The following APOBEC3D variants were observed in gnomAD, a reference collection of about 807,000 sequenced individuals.
APOBEC3D encodes the protein apolipoprotein B mRNA editing enzyme catalytic subunit 3D.
APOBEC3D carries 37 observed loss-of-function variants against 45.6 expected under a neutral mutation model. That is an observed-to-expected ratio of 0.81 (90% confidence interval 0.62 to 1.07). The LOEUF (loss-of-function observed/expected upper bound fraction) is 1.07. Ranked by LOEUF, APOBEC3D falls within the 50% of genes least tolerant of loss-of-function variation. APOBEC3D has a pLI of 0.00. For missense variants in APOBEC3D, 496 were observed against 495.3 expected, an observed-to-expected ratio of 1.00 and a Z score of -0.01; for synonymous variants, 175 against 180.7, an observed-to-expected ratio of 0.97 and a Z score of 0.25.
chr22:39,029,279 C>A, intron 4 of APOBEC3D, 84 bp from the exon 5 acceptor site: 1 of 1,505,648 alleles, frequency 6.6e-7, no homozygotes, highest in South Asian at 1.2e-5. Context: ...GAGGCCCAGA[C>A]TCCAGGGACG....
At chr22:39,026,413 A>G (rs1372431325) in intron 4 of APOBEC3D, among the ~76,000 whole-genome samples, 1 of 152,224 alleles carries the variant, frequency 6.6e-6, no homozygotes, top group Non-Finnish European at 1.5e-5. Flanking sequence ...ACTTTAGTGT[A>G]CTTGTCTCCA....
At chr22:39,030,897 G>A (rs1268985247) in intron 5 of APOBEC3D, among the ~76,000 whole-genome samples, 1 of 152,190 alleles carries the variant, frequency 6.6e-6, no homozygotes, top group African/African-American at 2.4e-5. Context: ...CCTGTACGCA[G>A]TAGCTCACGC....
At chr22:39,027,983 A>G in intron 4 of APOBEC3D, among the ~76,000 whole-genome samples, 1 of 152,226 alleles carries the variant, frequency 6.6e-6, no homozygotes, top group Admixed American at 6.5e-5. Flanking sequence ...GAATTGAACC[A>G]AAGGATGATT....
rs1342560714 is a variant in APOBEC3D, at chr22:39,033,246, A to G, written c.*930A>G. On this transcript the variant is annotated 3_prime_UTR_variant, in exon 7 of 7. Transcript: ENST00000216099. The stretch of plus-strand genomic sequence containing the variant: ...TAAATCAATAAATACACTCAACCTA[A>G]ATGGATATGAATATATGTAAGTTGA... The G allele has an allele frequency of 1.0e-6, 1 of 977,714 alleles. No individual in the cohort carries two copies. The highest frequency in any genetic ancestry group is 1.8e-5 in the African/African-American group (1 of 57,056). 60.6% of individuals were successfully genotyped at this position (977,714 alleles called of 1,614,324 possible). A position where few individuals can be genotyped will look rare whatever the true frequency, so the allele number is the denominator to read the frequency against.
chr22:39,023,601 C>G (rs750217191), intron 2 of APOBEC3D, among the ~76,000 whole-genome samples: 5 of 151,742 alleles, frequency 3.3e-5, no homozygotes, highest in Non-Finnish European at 2.9e-5. Context: ...TGCACGCCAC[C>G]GTGCCCAGCT....
At chr22:39,024,801 A>G (rs1378971960) in intron 2 of APOBEC3D, among the ~76,000 whole-genome samples, 1 of 152,098 alleles carries the variant, frequency 6.6e-6, no homozygotes, top group African/African-American at 2.4e-5. Context: ...CCTTTGAATA[A>G]CCACAGCAGT....
intron 2 of APOBEC3D, among the ~76,000 whole-genome samples, chr22:39,023,916 C>G (rs1260963724): frequency 2.0e-5 from 3 of 152,112 alleles, no homozygotes; most frequent in African/African-American, 7.2e-5. Context: ...CTTGTCCCAC[C>G]CATCCCTACG....
intron 5 of APOBEC3D, among the ~76,000 whole-genome samples, chr22:39,030,567 A>G (rs1874248179): frequency 6.6e-6 from 1 of 152,152 alleles, no homozygotes; most frequent in Admixed American, 6.5e-5. Flanking sequence ...AAGTTTGTCT[A>G]TTCTCACAAT....
chr22:39,027,534 A>C (rs1204894967), intron 4 of APOBEC3D, among the ~76,000 whole-genome samples: 6 of 152,172 alleles, frequency 3.9e-5, no homozygotes, highest in Non-Finnish European at 8.8e-5. Flanking sequence ...CTCACAGCGC[A>C]GGTGTCTCCT....
At chr22:39,021,613 C>A in intron 1 of APOBEC3D, 77 bp downstream of exon 1, 4 of 1,599,044 alleles carry the variant, frequency 2.5e-6, no homozygotes, top group East Asian at 2.2e-5. Context: ...CAGCCCTGGC[C>A]TCCCCCTGCC....
At chr22:39,025,762 C>G in intron 4 of APOBEC3D, 91 bp downstream of exon 4, 1 of 1,588,756 alleles carries the variant, frequency 6.3e-7, no homozygotes. Context: ...TCCTGCCCTC[C>G]GTCCTGCCCC....
At chr22:39,027,066 G>C (rs1925744226) in intron 4 of APOBEC3D, among the ~76,000 whole-genome samples, 1 of 152,154 alleles carries the variant, frequency 6.6e-6, no homozygotes, top group South Asian at 2.1e-4. Context: ...AGGGACCAGA[G>C]AGGCCCTAGA....
intron 5 of APOBEC3D, 56 bp from the exon 6 acceptor site, chr22:39,031,638 C>G: frequency 6.2e-7 from 1 of 1,601,966 alleles, no homozygotes; most frequent in South Asian, 1.1e-5. Flanking sequence ...CCCACCCCTA[C>G]ACTCCTCCTG....
intron 1 of APOBEC3D, among the ~76,000 whole-genome samples, chr22:39,022,262 C>G (rs1308109352): frequency 2.0e-5 from 3 of 152,224 alleles, no homozygotes; most frequent in Admixed American, 6.5e-5. Flanking sequence ...CAACTGTCCC[C>G]AGCTCTGTGG....
chr22:39,028,582 T>A lies in APOBEC3D; in HGVS notation c.606-781T>A, dbSNP rs140592692. On this transcript the variant is annotated intron_variant, in intron 4 of 6. Coordinates refer to ENST00000216099, the MANE Select transcript of APOBEC3D (RefSeq NM_152426.4). ...ACTTTGGGTGGTTGAAGCAGGCAGA[T>A]CACGAAGTCAGTTCAAAAGCAGCCT... 1.2e-4 allele frequency among the ~76,000 whole-genome samples: 18 copies of A among 152,334 alleles called. No individual in the cohort carries two copies. The East Asian group carries it at 2.3e-3, about 20-fold the overall frequency.
chr22:39,022,630 GC>G (rs1212542348), intron 1 of APOBEC3D, among the ~76,000 whole-genome samples, 191 bp from the exon 2 acceptor site: 3 of 152,074 alleles, frequency 2.0e-5, no homozygotes, highest in Non-Finnish European at 4.4e-5. Context: ...GATCACCCCA[GC>G]CCCCCTGCCA....
chr22:39,022,781 A>C (rs764278594), intron 1 of APOBEC3D, 41 bp from the exon 2 acceptor site: 10 of 1,592,270 alleles, frequency 6.3e-6, no homozygotes, highest in Non-Finnish European at 8.5e-6. Flanking sequence ...GGACTCCAGG[A>C]GGGCTCCCTG....
intron 2 of APOBEC3D, among the ~76,000 whole-genome samples, chr22:39,023,449 CT>C (rs202241274): frequency 2.4e-3 from 315 of 133,840 alleles, no homozygotes; most frequent in Middle Eastern, 7.9e-3. Context: ...TTCTTTCTTT[CT>C]TTTTTTTTTT....
chr22:39,032,077 A>C, intron 6 of APOBEC3D, 104 bp downstream of exon 6: 1 of 1,586,594 alleles, frequency 6.3e-7, no homozygotes, highest in African/African-American at 1.3e-5. Flanking sequence ...GGAAGCCTGC[A>C]GGGATGGGGC....
Sources: allele counts gnomAD v4.1 joint callset (sites outside exome capture counted in the v4.1 genomes callset), GRCh38; gene constraint gnomAD v4.1.1; transcripts MANE v1.5; gene names NCBI Gene and HGNC (gene_info 2026-07-23, HGNC 2026-07-21).